Variants in ZNF850 observed in about 807,000 individuals in gnomAD.
ZNF850 encodes putative zinc finger protein ENSP00000330994.
A neutral mutation model predicts 11.9 loss-of-function variants in ZNF850; 2 were observed. The observed-to-expected ratio is 0.17, with a 90% CI of 0.07 to 0.53. The LOEUF (loss-of-function observed/expected upper bound fraction) is 0.53, where lower values mean the gene tolerates loss of function less well. Among genes scored for constraint, ZNF850 ranks in the 20% least tolerant of loss-of-function variants. The probability of loss-of-function intolerance (pLI) is 0.94; values close to 1 mark genes in which losing one functional copy is unlikely to be tolerated. For synonymous variants in ZNF850, 381 were observed against 443.0 expected (o/e 0.86, Z 1.76); for missense variants, 1,014 against 1,316.4 (o/e 0.77, Z 3.55).
In ZNF850 at chr19:36,748,933, A is replaced by T; in HGVS notation, c.2107T>A (p.Cys703Ser). 2 of 1,578,566 alleles carry T rather than the reference A, an allele frequency of 1.3e-6. No homozygotes were observed. The highest frequency in any genetic ancestry group is 1.7e-6 in the Non-Finnish European group (2 of 1,163,388). The change falls in exon 5 of 5, where the codon TGT becomes AGT. Residue 703 changes from cysteine to serine, a missense_variant. Cys to Ser is a moderately radical substitution (Grantham distance 112, BLOSUM62 -1). Transcript: ENST00000591344. The stretch of plus-strand genomic sequence containing the variant: ...GTAAAAGATTTCCCACATTCTTTAC[A>T]TTCATAAGGTTTCTCACCAGTATGA... Reference protein sequence around the residue: ...RIHTGEKPYECKECGKSFTFC... With the variant: ...RIHTGEKPYESKECGKSFTFC...
At chr19:36,769,953 G>C (rs1388913262) in intron 1 of ZNF850, among the ~76,000 whole-genome samples, 1 of 152,204 alleles carries the variant, frequency 6.6e-6, no homozygotes, top group South Asian at 2.1e-4. Flanking sequence ...TACAACTTCT[G>C]ACTGACGGGT....
In ZNF850 at chr19:36,762,333, C is replaced by T; in HGVS notation, c.111G>A (p.Met37Ile). 2 of 1,583,994 alleles carry T rather than the reference C, an allele frequency of 1.3e-6. No homozygotes were observed. Among genetic ancestry groups the T allele is most frequent in the Admixed American group, 1.8e-5 (1 of 57,038 alleles). The change falls in exon 3 of 5, where the codon ATG (methionine) becomes ATA (isoleucine). Residue 37 changes from methionine (M) to isoleucine (I), a missense_variant. Met to Ile is a conservative substitution (Grantham distance 10). Transcript: ENST00000591344. ...GTGAGACCAGGCTGCTGTAGTTCTC[C>T]ATCATTACATCTCTGTATAAGTCCT... ...AQKDLYRDVM[M>I]ENYSSLVSLG...
At position 36,744,840 on chromosome 19, in the gene ZNF850, C is replaced by T; in HGVS notation, c.*2927G>A. The T allele has an allele frequency of 6.6e-6, 1 of 152,200 alleles. No individual in the cohort carries two copies. The highest frequency in any genetic ancestry group is 1.5e-5 in the Non-Finnish European group (1 of 68,010). 9.4% of individuals were successfully genotyped at this position (152,200 alleles called of 1,614,324 possible). On this transcript the variant is annotated 3_prime_UTR_variant, in exon 5 of 5. Coordinates refer to ENST00000591344, the MANE Select transcript of ZNF850 (RefSeq NM_001193552.2). ...AATTGAGACAAAAGAATCAATTGAGCCGGGCGGGGTGGCTCACGCCTGTAA... is the reference window on the plus strand; with the variant it reads ...AATTGAGACAAAAGAATCAATTGAGTCGGGCGGGGTGGCTCACGCCTGTAA...
At chr19:36,772,593 T>A (rs1308274813) in intron 1 of ZNF850, 132 bp downstream of exon 1, 1 of 153,274 alleles carries the variant, frequency 6.5e-6, no homozygotes, top group Non-Finnish European at 1.5e-5. Flanking sequence ...AGCGCCCACC[T>A]GATCACCCAG....
At chr19:36,757,452 A>C (rs2040493105) in intron 4 of ZNF850, among the ~76,000 whole-genome samples, 1 of 151,966 alleles carries the variant, frequency 6.6e-6, no homozygotes, top group Non-Finnish European at 1.5e-5. Flanking sequence ...CCAAATAATG[A>C]AGTAGAAAAG....
At chr19:36,751,719 A>AAG (rs1011477906) in intron 4 of ZNF850, among the ~76,000 whole-genome samples, 3 of 150,838 alleles carry the variant, frequency 2.0e-5, no homozygotes, top group African/African-American at 7.3e-5. Flanking sequence ...AAAAAAAAAA[A>AAG]AAAAAGCTAA....
intron 4 of ZNF850, among the ~76,000 whole-genome samples, chr19:36,756,536 A>G (rs751812306): frequency 7.4e-4 from 113 of 152,314 alleles, no homozygotes; most frequent in Non-Finnish European, 1.4e-3. Context: ...GGATAGTTAT[A>G]TAGTTACTAT....
At chr19:36,753,652 A>G (rs1005508281) in intron 4 of ZNF850, among the ~76,000 whole-genome samples, 2 of 152,048 alleles carry the variant, frequency 1.3e-5, no homozygotes, top group South Asian at 2.1e-4. Context: ...ACAGGAAAAA[A>G]AAAAATAGCT....
intron 4 of ZNF850, among the ~76,000 whole-genome samples, chr19:36,757,139 C>G (rs2040491318): frequency 6.6e-6 from 1 of 152,074 alleles, no homozygotes; most frequent in Non-Finnish European, 1.5e-5. Context: ...TATTCCCATG[C>G]TATATAGTGT....
intron 1 of ZNF850, among the ~76,000 whole-genome samples, chr19:36,766,684 T>C (rs988296158): frequency 6.6e-6 from 1 of 152,246 alleles, no homozygotes; most frequent in Non-Finnish European, 1.5e-5. Context: ...TGCATTTTAC[T>C]GAAGCCTACC....
chr19:36,749,852 C>A lies in ZNF850; in HGVS notation c.1188G>T (p.Lys396Asn), dbSNP rs1357003486. 6.3e-7 allele frequency: 1 copy of A among 1,576,232 alleles called. No homozygotes were observed. The highest frequency in any genetic ancestry group is 8.6e-7 in the Non-Finnish European group (1 of 1,163,870). The change falls in exon 5 of 5, where the codon AAG (lysine) becomes AAT (asparagine). Residue 396 changes from lysine to asparagine, a missense_variant. By Grantham distance (94) the Lys-to-Asn change is moderately conservative. Transcript: ENST00000591344. ...GAAAAGTAAAAGATTTCCCACATTC[C>A]TTACAATCATAGGGTTTCTCACCAG... The part of the protein sequence containing the change: ...IHTGEKPYDC[K>N]ECGKSFTFRS...
intron 1 of ZNF850, among the ~76,000 whole-genome samples, chr19:36,770,703 CAAAAAAAAAAA>C (rs567709722): frequency 7.7e-4 from 51 of 66,576 alleles, no homozygotes; most frequent in African/African-American, 1.5e-3. Context: ...GAGACTCCAT[CAAAAAAAAAAA>C]AAAAAAAAAA....
At chr19:36,767,067 T>G (rs1480340893) in intron 1 of ZNF850, among the ~76,000 whole-genome samples, 1 of 151,490 alleles carries the variant, frequency 6.6e-6, no homozygotes, top group Non-Finnish European at 1.5e-5. Flanking sequence ...TGAAACCCTG[T>G]CTCAAATTAA....
In ZNF850 at chr19:36,770,703, CAAAAAAAAAAAAAAAAAAA is replaced by C. The variant is rs567709722; in HGVS notation, c.-70+2003_-70+2021del. On this transcript the variant is annotated intron_variant, in intron 1 of 4. Coordinates refer to ENST00000591344, the MANE Select transcript of ZNF850 (RefSeq NM_001193552.2). ...TCTGGGCGACAGAGAGAGACTCCAT[CAAAAAAAAAAAAAAAAAAA>C]AAAAAAAAAAAAAAAAGCCAGCACT... 8.4e-3 allele frequency among the ~76,000 whole-genome samples: 561 copies of C among 66,622 alleles called. 4 individuals are homozygous for C. The highest frequency in any genetic ancestry group is 0.027 in the East Asian group (43 of 1,584). 43.7% of individuals were successfully genotyped at this position (66,622 alleles called of 152,430 possible). A position where few individuals can be genotyped will look rare whatever the true frequency, so the allele number is the denominator to read the frequency against.
At chr19:36,758,363 A>G (rs540169386) in intron 4 of ZNF850, among the ~76,000 whole-genome samples, 1 of 152,328 alleles carries the variant, frequency 6.6e-6, no homozygotes, top group African/African-American at 2.4e-5. Context: ...TAAAAATTGT[A>G]TCATGAAAAT....
intron 4 of ZNF850, among the ~76,000 whole-genome samples, chr19:36,752,957 C>T (rs2040461972): frequency 6.6e-6 from 1 of 152,022 alleles, no homozygotes; most frequent in Non-Finnish European, 1.5e-5. Flanking sequence ...GCCATGAGTG[C>T]CATGGATGGT....
chr19:36,746,435 T>G lies in ZNF850; in HGVS notation c.*1332A>C, dbSNP rs2040411827. ...CTCCACTGACTGGCTCACTGCAACATCCGCCTCCCAGGTTCAAGCGATTCT... is the reference window on the plus strand; with the variant it reads ...CTCCACTGACTGGCTCACTGCAACAGCCGCCTCCCAGGTTCAAGCGATTCT... On this transcript the variant is annotated 3_prime_UTR_variant, in exon 5 of 5. Coordinates refer to ENST00000591344, the MANE Select transcript of ZNF850 (RefSeq NM_001193552.2). 6.6e-6 allele frequency: 1 copy of G among 152,306 alleles called. No homozygotes were observed. Among genetic ancestry groups the G allele is most frequent in the South Asian group, 2.1e-4 (1 of 4,836 alleles). The allele number at this position is 152,306 out of a possible 1,614,324, so 9.4% of individuals were successfully genotyped here.
intron 4 of ZNF850, among the ~76,000 whole-genome samples, chr19:36,752,591 A>T (rs186698988): frequency 2.6e-4 from 39 of 152,322 alleles, no homozygotes; most frequent in Admixed American, 1.5e-3. Context: ...TCACAAAAAC[A>T]GAAACAACCA....
intron 4 of ZNF850, among the ~76,000 whole-genome samples, chr19:36,754,451 T>C (rs896354081): frequency 2.0e-5 from 3 of 152,174 alleles, no homozygotes; most frequent in Non-Finnish European, 4.4e-5. Context: ...GATATAACAA[T>C]TCTAAATTTG....
Sources: gnomAD v4.1 joint callset for allele counts (sites outside exome capture counted in the v4.1 genomes callset) on GRCh38, gnomAD v4.1.1 for gene constraint, MANE v1.5 for transcripts, NCBI Gene and HGNC (gene_info 2026-07-23, HGNC 2026-07-21) for gene names.